PLVAP: variants seen among roughly 807,000 people sequenced by gnomAD.
PLVAP encodes plasmalemma vesicle-associated protein.
In PLVAP, 34 loss-of-function variants were observed where a neutral mutation model predicts 43.1. That is an observed-to-expected ratio of 0.79 (90% CI 0.60 to 1.05). The LOEUF is 1.05. Among genes scored for constraint, PLVAP ranks in the 50% least tolerant of loss-of-function variants. The pLI is 0.00. For synonymous variants in PLVAP, 241 were observed against 237.3 expected (o/e 1.02, Z -0.14); for missense variants, 574 against 593.4 (o/e 0.97, Z 0.34).
rs373942287 is a variant in PLVAP at position 17,360,782 on chromosome 19, G to C, written c.1230C>G (p.Pro410=). The change falls in exon 4 of 6, where the codon CCC becomes CCG. Residue 410 remains proline (P), a synonymous_variant. Coordinates refer to ENST00000252590, the MANE Select transcript of PLVAP (RefSeq NM_031310.3). ...VSRPMGPVPN[P]QPIDPASLEE... is the part of the protein sequence containing the mutation. ...TCTTTTGTCACTCACCGATGGGCTG[G>C]GGGTTGGGGACAGGGCCCATGGGCC... The C allele has an allele frequency of 1.2e-4, 192 of 1,613,874 alleles. 2 individuals are homozygous for C. The South Asian group carries it at 1.9e-3, about 16-fold the overall frequency.
intron 1 of PLVAP, among the ~76,000 whole-genome samples, chr19:17,376,148 A>T (rs2074594501): frequency 6.6e-6 from 1 of 152,036 alleles, no homozygotes; most frequent in African/African-American, 2.4e-5. Context: ...ACTGTGCTCC[A>T]GCCTGGGTGA....
chr19:17,372,620 C>T (rs1336353402), intron 1 of PLVAP, among the ~76,000 whole-genome samples: 1 of 149,484 alleles, frequency 6.7e-6, no homozygotes, highest in African/African-American at 2.4e-5. Context: ...CCACACCTGG[C>T]TAATTTTTCG....
chr19:17,367,221 G>GA (rs1568375929), intron 1 of PLVAP, among the ~76,000 whole-genome samples: 1 of 150,048 alleles, frequency 6.7e-6, no homozygotes, highest in Non-Finnish European at 1.5e-5. Flanking sequence ...GAATTTTTTT[G>GA]TTTTTTTTAA....
Position 17,365,963 on chromosome 19 carries a change from G to A in PLVAP, c.502C>T (p.Leu168=). ...LFMLNQKVKT[L]EVEIAKEKTI... The stretch of plus-strand genomic sequence containing the variant: ...TTCTCCTTGGCTATCTCCACCTCCA[G>A]CGTCTTCACCTTCTGATTCAGCATG... Residue 168 remains leucine (L), a synonymous_variant, in exon 3 of 6, where the codon CTG becomes TTG. Coordinates refer to ENST00000252590, the MANE Select transcript of PLVAP (RefSeq NM_031310.3). 1.2e-6 allele frequency: 2 copies of A among 1,613,902 alleles called. No homozygotes were observed. The highest frequency in any genetic ancestry group is 1.7e-6 in the Non-Finnish European group (2 of 1,179,932).
In PLVAP at chr19:17,365,734, G is replaced by T; in HGVS notation, c.731C>A (p.Ser244Tyr). 1 of 1,614,084 alleles carries T rather than the reference G, an allele frequency of 6.2e-7. No homozygotes were observed. The highest frequency in any genetic ancestry group is 2.2e-5 in the East Asian group (1 of 44,866). ...GTTGTCCAGGCTGCGTGGGATAATG[G>T]AGTCCCTCCACAGGTTACGAAGGTC... is the stretch of plus-strand genomic sequence containing the variant. The part of the protein sequence containing the change: ...EMDLRNLWRD[S>Y]IIPRSLDNLG... Residue 244 changes from serine to tyrosine, a missense_variant, in exon 3 of 6, where the codon TCC (serine) becomes TAC (tyrosine). Coordinates refer to ENST00000252590, the MANE Select transcript of PLVAP (RefSeq NM_031310.3).
intron 5 of PLVAP, among the ~76,000 whole-genome samples, chr19:17,358,569 G>A (rs2074515540): frequency 6.6e-6 from 1 of 152,138 alleles, no homozygotes. Flanking sequence ...AGAGAGCACA[G>A]GCTATTCTTG....
intron 3 of PLVAP, among the ~76,000 whole-genome samples, chr19:17,363,654 C>A (rs2074536715): frequency 6.6e-6 from 1 of 151,812 alleles, no homozygotes; most frequent in African/African-American, 2.4e-5. Context: ...CTCACTGCAG[C>A]CTCAACCTCC....
rs778490932 is a variant in PLVAP at position 17,376,945 on chromosome 19, C to T, written c.344G>A (p.Ser115Asn). The T allele has an allele frequency of 1.2e-6, 2 of 1,613,862 alleles. No individual in the cohort carries two copies. Among genetic ancestry groups the T allele is most frequent in the Non-Finnish European group, 8.5e-7 (1 of 1,179,936 alleles). Residue 115 changes from serine to asparagine, a missense_variant, in exon 1 of 6, where the codon AGC (serine) becomes AAC (asparagine). Transcript: ENST00000252590. ...CCGGTCACCCTGGCACTGGCGGAAGCTGGCATTGATGCGGTCCAGGTCGCG... is the reference window on the plus strand; with the variant it reads ...CCGGTCACCCTGGCACTGGCGGAAGTTGGCATTGATGCGGTCCAGGTCGCG... ...ARRDLDRINA[S>N]FRQCQGDRVI...
chr19:17,367,221 G>GT (rs1219836113), intron 1 of PLVAP, among the ~76,000 whole-genome samples: 5 of 150,048 alleles, frequency 3.3e-5, no homozygotes, highest in African/African-American at 7.4e-5. Context: ...GAATTTTTTT[G>GT]TTTTTTTTAA....
intron 1 of PLVAP, among the ~76,000 whole-genome samples, chr19:17,367,014 C>T (rs2074553172): frequency 6.7e-6 from 1 of 149,390 alleles, no homozygotes; most frequent in South Asian, 2.1e-4. Flanking sequence ...CTGATCTCAG[C>T]TCACTGCAAC....
intron 5 of PLVAP, among the ~76,000 whole-genome samples, chr19:17,356,975 AAAG>A (rs773118693): frequency 4.5e-4 from 68 of 151,570 alleles, no homozygotes; most frequent in Non-Finnish European, 7.5e-4. Context: ...CAAAAAAACA[AAAG>A]AAGAAGAAGT....
intron 5 of PLVAP, among the ~76,000 whole-genome samples, chr19:17,354,487 C>A (rs1266492414): frequency 1.3e-5 from 2 of 151,288 alleles, no homozygotes; most frequent in Non-Finnish European, 2.9e-5. Context: ...ATCCCAGCTA[C>A]TCGGGAGGCT....
intron 1 of PLVAP, among the ~76,000 whole-genome samples, chr19:17,368,977 C>T (rs1161421124): frequency 1.3e-5 from 2 of 151,832 alleles, no homozygotes; most frequent in East Asian, 3.9e-4. Context: ...AGCGAGACTC[C>T]GTCTCAAAAA....
Position 17,372,515 on chromosome 19 carries a change from GGC to G in PLVAP, c.369+4403_369+4404del, listed in dbSNP as rs1164771675. On this transcript the variant is annotated intron_variant, in intron 1 of 5. Transcript: ENST00000252590. The stretch of plus-strand genomic sequence containing the variant: ...TCTGTCGCCCAGGCTGGAGTGCAGT[GGC>G]GCAATCTCGGCTCACTGCAAGCTCC... Among the ~76,000 whole-genome samples the G allele has an allele frequency of 8.7e-4, 131 of 149,832 alleles. 1 individual carries two copies. The East Asian group carries it at 0.025, about 29-fold the overall frequency.
chr19:17,354,791 A>G (rs1248770280), intron 5 of PLVAP, among the ~76,000 whole-genome samples: 2 of 146,562 alleles, frequency 1.4e-5, no homozygotes, highest in South Asian at 2.2e-4. Flanking sequence ...CCAGCTACTC[A>G]GGAGGCTGAG....
In PLVAP at chr19:17,352,327, C is replaced by T. The variant is rs199753119; in HGVS notation, c.*35G>A. ...CTGCATCCTCCGCAAACCGCCGAGT[C>T]GGGCCATCCCTTGGTCCTCAGGCCT... On this transcript the variant is annotated 3_prime_UTR_variant, in exon 6 of 6. Transcript: ENST00000252590. The T allele has an allele frequency of 9.9e-6, 16 of 1,612,926 alleles. No individual in the cohort carries two copies. In the South Asian group the frequency reaches 1.5e-4, roughly 15 times the overall value.
At position 17,366,144 on chromosome 19, in the gene PLVAP, T is replaced by G; in HGVS notation, c.421A>C (p.Lys141Gln). 6.2e-7 allele frequency: 1 copy of G among 1,614,146 alleles called. No homozygotes were observed. The highest frequency in any genetic ancestry group is 8.5e-7 in the Non-Finnish European group (1 of 1,180,024). Residue 141 changes from lysine to glutamine, a missense_variant, in exon 2 of 6, where the codon AAG (lysine) becomes CAG (glutamine). Transcript: ENST00000252590. ...TCCTTGAATTGATCTCTGCATTGCTTCTCACTCAAGATGATGGCAGCCATG... is the reference window on the plus strand; with the variant it reads ...TCCTTGAATTGATCTCTGCATTGCTGCTCACTCAAGATGATGGCAGCCATG... ...RYMAAIILSE[K>Q]QCRDQFKDMN...
intron 1 of PLVAP, among the ~76,000 whole-genome samples, chr19:17,370,823 G>T (rs574581369): frequency 6.6e-6 from 1 of 152,060 alleles, no homozygotes; most frequent in Non-Finnish European, 1.5e-5. Flanking sequence ...TTGGGAGGCC[G>T]AGGCGGGCGG....
rs1486761415 is a variant in PLVAP at position 17,377,005 on chromosome 19, T to G, written c.284A>C (p.Lys95Thr). 1 of 1,614,130 alleles carries G rather than the reference T, an allele frequency of 6.2e-7. No homozygotes were observed. Residue 95 changes from lysine to threonine, a missense_variant, in exon 1 of 6, where the codon AAG becomes ACG. Lys to Thr is a moderately conservative substitution (Grantham distance 78). Coordinates refer to ENST00000252590, the MANE Select transcript of PLVAP (RefSeq NM_031310.3). ...TKELNFTTRA[K>T]DAIMQMWLNA... ...CAGCCACATCTGCATGATGGCATCC[T>G]TGGCGCGGGTGGTGAAGTTGAGCTC...
Sources: gnomAD v4.1 joint callset for allele counts (sites outside exome capture counted in the v4.1 genomes callset) on GRCh38, gnomAD v4.1.1 for gene constraint, MANE v1.5 for transcripts, NCBI Gene and HGNC (gene_info 2026-07-23, HGNC 2026-07-21) for gene names.